AMN1: variants seen among roughly 807,000 people sequenced by gnomAD.
AMN1 encodes the protein antagonist of mitotic exit network 1 homolog.
Under a neutral mutation model 33.0 loss-of-function variants are expected in AMN1, and 20 were observed. The observed-to-expected ratio is 0.61, with a 90% CI of 0.43 to 0.88. AMN1 has a LOEUF of 0.88. Among genes scored for constraint, AMN1 ranks in the 40% least tolerant of loss-of-function variants. AMN1 has a pLI of 0.00. For synonymous variants in AMN1, 114 were observed against 111.9 expected (o/e 1.02, Z -0.12); for missense variants, 246 against 307.4 (o/e 0.80, Z 1.49).
chr12:31,689,264 G>A, intron 5 of AMN1, 146 bp from the exon 6 acceptor site: 1 of 613,054 alleles, frequency 1.6e-6, no homozygotes, highest in East Asian at 2.8e-5. Context: ...ATATAAGTCT[G>A]AAGTAATTTG....
chr12:31,701,149 A>C (rs1237427324), intron 3 of AMN1, among the ~76,000 whole-genome samples: 2 of 150,938 alleles, frequency 1.3e-5, no homozygotes, highest in African/African-American at 4.9e-5. Context: ...ACAGGCATGC[A>C]CCACCACGCC....
intron 2 of AMN1, among the ~76,000 whole-genome samples, chr12:31,708,140 G>A (rs1939321248): frequency 6.6e-6 from 1 of 152,184 alleles, no homozygotes; most frequent in Non-Finnish European, 1.5e-5. Flanking sequence ...CTGACTGCCT[G>A]CGGGGTCAGG....
At chr12:31,709,462 C>A (rs1478744942) in intron 1 of AMN1, 37 bp from the exon 2 acceptor site, 2 of 1,577,400 alleles carry the variant, frequency 1.3e-6, no homozygotes, top group East Asian at 4.6e-5. Flanking sequence ...TCACACTGGG[C>A]CTGTACTGAT....
intron 1 of AMN1, chr12:31,719,411 A>G (rs1939798990): frequency 2.9e-6 from 2 of 687,926 alleles, no homozygotes; most frequent in African/African-American, 3.9e-5. Flanking sequence ...AGAAAAGGTT[A>G]GACATTTTGT....
chr12:31,709,475 C>T, intron 1 of AMN1, 50 bp from the exon 2 acceptor site: 1 of 1,557,796 alleles, frequency 6.4e-7, no homozygotes, highest in Non-Finnish European at 8.7e-7. Flanking sequence ...GTACTGATTC[C>T]TAACACTTGT....
intron 1 of AMN1, among the ~76,000 whole-genome samples, chr12:31,711,214 C>A (rs1004682895): frequency 6.6e-6 from 1 of 152,134 alleles, no homozygotes; most frequent in Non-Finnish European, 1.5e-5. Context: ...TTTATTTATT[C>A]TTTCCATTTC....
At chr12:31,690,964 C>T (rs1488998671) in intron 5 of AMN1, among the ~76,000 whole-genome samples, 2 of 151,868 alleles carry the variant, frequency 1.3e-5, no homozygotes, top group Non-Finnish European at 2.9e-5. Context: ...TGAAACCCCC[C>T]GTCTCTACTA....
At chr12:31,685,813 A>C (rs1938236927) in intron 6 of AMN1, among the ~76,000 whole-genome samples, 2 of 150,994 alleles carry the variant, frequency 1.3e-5, no homozygotes, top group Admixed American at 1.3e-4. Context: ...AAAAAAAAGA[A>C]AGAAAGAAAG....
rs1939022053 is a variant in AMN1 at position 31,701,932 on chromosome 12, TAGAC to T, written c.243_246del (p.Ser82ThrfsTer5). The T allele has an allele frequency of 6.2e-7, 1 of 1,609,792 alleles. No homozygotes were observed. The highest frequency in any genetic ancestry group is 1.3e-5 in the African/African-American group (1 of 74,746). On this transcript the variant is annotated frameshift_variant, in exon 3 of 7. Transcript: ENST00000281471. LOFTEE classifies it high-confidence loss of function. ...TTTAATTTCTTCAGTTTTCTACAGT[TAGAC>T]AGGTGCAGGAGAGCAGCATCTGATA...
chr12:31,680,257 G>A (rs1937940572), intron 6 of AMN1, among the ~76,000 whole-genome samples: 1 of 151,652 alleles, frequency 6.6e-6, no homozygotes, highest in African/African-American at 2.4e-5. Context: ...CTGGAGTGTA[G>A]TGGTGTGATC....
At chr12:31,728,909 G>T (rs1940192947) in intron 1 of AMN1, 62 bp downstream of exon 1, 1 of 1,518,608 alleles carries the variant, frequency 6.6e-7, no homozygotes, top group Non-Finnish European at 8.9e-7. Context: ...GCAGCGCAGG[G>T]CCTGGCCGTT....
chr12:31,685,807 A>AAAAAAAG (rs561225051), intron 6 of AMN1, among the ~76,000 whole-genome samples: 7,044 of 146,086 alleles, frequency 0.048, 274 homozygotes, highest in African/African-American at 0.07. Flanking sequence ...TATCAAAAAA[A>AAAAAAAG]AAAGAAAGAA....
chr12:31,723,731 A>G (rs949714978), intron 1 of AMN1, among the ~76,000 whole-genome samples: 2 of 152,178 alleles, frequency 1.3e-5, no homozygotes, highest in Non-Finnish European at 2.9e-5. Context: ...TGTGTTCTAC[A>G]ATGGCAGAGC....
intron 6 of AMN1, among the ~76,000 whole-genome samples, chr12:31,676,208 C>T (rs543105140): frequency 1.3e-5 from 2 of 151,416 alleles, no homozygotes; most frequent in Non-Finnish European, 2.9e-5. Context: ...TAAAGAAATC[C>T]AAACCAGAAG....
chr12:31,678,101 AAGC>A (rs1436659991), intron 6 of AMN1, among the ~76,000 whole-genome samples: 1 of 152,186 alleles, frequency 6.6e-6, no homozygotes, highest in Admixed American at 6.5e-5. Context: ...GCATAAAAAC[AAGC>A]AGTTTTCCCT....
At chr12:31,690,783 C>T (rs1422630877) in intron 5 of AMN1, among the ~76,000 whole-genome samples, 1 of 152,024 alleles carries the variant, frequency 6.6e-6, no homozygotes, top group African/African-American at 2.4e-5. Flanking sequence ...TTTATCTTTG[C>T]ATCAAATGGT....
At chr12:31,684,026 G>T (rs1307623559) in intron 6 of AMN1, among the ~76,000 whole-genome samples, 2 of 152,088 alleles carry the variant, frequency 1.3e-5, no homozygotes, top group African/African-American at 4.8e-5. Flanking sequence ...GTTAACAACT[G>T]ATTTTTGTTT....
chr12:31,727,690 T>A (rs1940132591), intron 1 of AMN1, among the ~76,000 whole-genome samples: 1 of 152,212 alleles, frequency 6.6e-6, no homozygotes, highest in Admixed American at 6.5e-5. Context: ...CAAAAGTTTG[T>A]TACTCTCCCG....
chr12:31,706,426 T>C (rs969828477), intron 2 of AMN1, among the ~76,000 whole-genome samples: 3 of 151,816 alleles, frequency 2.0e-5, no homozygotes, highest in East Asian at 3.9e-4. Context: ...CCAACAGCAA[T>C]TGGCAGTTCT....
Sources: gnomAD v4.1 joint callset for allele counts (sites outside exome capture counted in the v4.1 genomes callset) on GRCh38, gnomAD v4.1.1 for gene constraint, MANE v1.5 for transcripts, NCBI Gene and HGNC (gene_info 2026-07-23, HGNC 2026-07-21) for gene names.